Variants in WAC observed in about 807,000 individuals in gnomAD.
The protein encoded by WAC is WW domain containing adaptor with coiled-coil.
A neutral mutation model predicts 79.6 loss-of-function variants in WAC; 11 were observed. The ratio of observed to expected loss-of-function variants is 0.14; its 90% confidence interval spans 0.09 to 0.23. The LOEUF is 0.23. Ranked by LOEUF, WAC falls within the 10% of genes least tolerant of loss-of-function variation. WAC has a pLI of 1.00. For synonymous variants in WAC, 304 were observed against 276.9 expected, an observed-to-expected ratio of 1.10 and a Z score of -0.97; for missense variants, 728 against 773.5, an observed-to-expected ratio of 0.94 and a Z score of 0.70.
At position 28,577,490 on chromosome 10, in the gene WAC, T is replaced by C. The variant is rs895356183; in HGVS notation, c.275-5909T>C. ...TTTTTAATATGCAGTTTTGCAGAAT[T>C]CAGTCTTTTCAAGGCGAACATTTAT... is the stretch of plus-strand genomic sequence containing the variant. On this transcript the variant is annotated intron_variant, in intron 3 of 13. Coordinates refer to ENST00000354911, the MANE Select transcript of WAC (RefSeq NM_016628.5). Among the ~76,000 whole-genome samples the C allele has an allele frequency of 1.2e-4, 19 of 152,222 alleles. 1 individual carries two copies. Among genetic ancestry groups the C allele is most frequent in the Admixed American group, 1.2e-3 (19 of 15,284 alleles).
intron 3 of WAC, among the ~76,000 whole-genome samples, chr10:28,566,441 C>G (rs1838619588): frequency 1.3e-5 from 2 of 152,178 alleles, no homozygotes; most frequent in South Asian, 4.1e-4. Flanking sequence ...GGCTATTGAT[C>G]TCAGACAGTA....
intron 3 of WAC, among the ~76,000 whole-genome samples, chr10:28,575,845 C>T (rs1199835131): frequency 6.6e-6 from 1 of 152,224 alleles, no homozygotes; most frequent in Non-Finnish European, 1.5e-5. Flanking sequence ...TAAAACTCTC[C>T]TGTCGCATAA....
intron 3 of WAC, among the ~76,000 whole-genome samples, chr10:28,567,245 T>A (rs1027565063): frequency 6.6e-6 from 1 of 152,058 alleles, no homozygotes; most frequent in South Asian, 2.1e-4. Flanking sequence ...TCCTGAAATT[T>A]CTTTCGAAGT....
intron 3 of WAC, among the ~76,000 whole-genome samples, chr10:28,563,495 T>A (rs956672983): frequency 1.3e-5 from 2 of 152,202 alleles, no homozygotes; most frequent in Non-Finnish European, 2.9e-5. Flanking sequence ...ATCTTTAGTC[T>A]TTTTGGTTCT....
At chr10:28,609,327 C>T (rs147594619) in intron 8 of WAC, among the ~76,000 whole-genome samples, 104 of 152,236 alleles carry the variant, frequency 6.8e-4, no homozygotes, top group African/African-American at 2.2e-3. Context: ...GGTGCCTGTA[C>T]ACTCCAACCT....
chr10:28,592,688 T>G (rs980769051), intron 6 of WAC, among the ~76,000 whole-genome samples: 2 of 152,186 alleles, frequency 1.3e-5, no homozygotes, highest in African/African-American at 4.8e-5. Flanking sequence ...TTTAACTTGT[T>G]TTTCTTCATG....
In WAC at chr10:28,595,770, C is replaced by G. The variant is rs1232249656; in HGVS notation, c.648C>G (p.Leu216=). The G allele has an allele frequency of 1.9e-6, 3 of 1,613,844 alleles. No homozygotes were observed. The Admixed American group carries it at 5.0e-5, about 27-fold the overall frequency. The change falls in exon 7 of 14, where the codon CTC becomes CTG. Residue 216 remains leucine (L), a synonymous_variant. Coordinates refer to ENST00000354911, the MANE Select transcript of WAC (RefSeq NM_016628.5). ...ATTCCAGTGATGCCAGTAGTTTGCT[C>G]CCACAGAATATTTTGTCTCAAACAA... ...DKHSSDASSL[L]PQNILSQTSR...
At chr10:28,607,555 TTAA>T (rs1270685679) in intron 7 of WAC, among the ~76,000 whole-genome samples, 5 of 152,208 alleles carry the variant, frequency 3.3e-5, no homozygotes, top group African/African-American at 7.2e-5. Flanking sequence ...AGTGTCCTTT[TTAA>T]TAATCTTAAA....
At chr10:28,599,241 T>A (rs1274371157) in intron 7 of WAC, among the ~76,000 whole-genome samples, 1 of 152,190 alleles carries the variant, frequency 6.6e-6, no homozygotes, top group East Asian at 1.9e-4. Flanking sequence ...TATTAAGCGC[T>A]GATGGTTCAA....
chr10:28,557,519 C>A (rs1363619856), intron 3 of WAC, among the ~76,000 whole-genome samples: 2 of 152,118 alleles, frequency 1.3e-5, no homozygotes, highest in East Asian at 3.9e-4. Flanking sequence ...ATAGTGAGAC[C>A]TTGTCTCTAC....
intron 7 of WAC, among the ~76,000 whole-genome samples, chr10:28,598,778 T>C (rs1840500340): frequency 6.6e-6 from 1 of 152,208 alleles, no homozygotes; most frequent in Non-Finnish European, 1.5e-5. Context: ...AATGTAAAAT[T>C]TCTGACAGAG....
intron 3 of WAC, among the ~76,000 whole-genome samples, chr10:28,577,505 C>T (rs566098255): frequency 2.6e-5 from 4 of 152,142 alleles, no homozygotes; most frequent in South Asian, 2.1e-4. Flanking sequence ...CTTTTCAAGG[C>T]GAACATTTAT....
intron 7 of WAC, among the ~76,000 whole-genome samples, chr10:28,601,058 G>A (rs1467018776): frequency 1.3e-5 from 2 of 151,912 alleles, no homozygotes; most frequent in African/African-American, 4.8e-5. Context: ...GATAACCAGA[G>A]CACAGGCAAC....
chr10:28,542,059 A>G (rs891174677), intron 3 of WAC, among the ~76,000 whole-genome samples: 12 of 152,106 alleles, frequency 7.9e-5, no homozygotes, highest in Admixed American at 3.3e-4. Context: ...CTCTTCTACT[A>G]TCTTCCCCTT....
At chr10:28,592,896 T>C (rs551599451) in intron 6 of WAC, among the ~76,000 whole-genome samples, 2 of 152,326 alleles carry the variant, frequency 1.3e-5, no homozygotes, top group East Asian at 3.9e-4. Context: ...AGGAATATGT[T>C]TTTATGTCTG....
chr10:28,533,794 G>T, intron 1 of WAC, 174 bp downstream of exon 1: 1 of 991,298 alleles, frequency 1.0e-6, no homozygotes, highest in South Asian at 1.6e-5. Flanking sequence ...AGTGTGGCGG[G>T]GAGCGGGGGC....
At chr10:28,587,861 C>CT (rs763459967) in intron 4 of WAC, among the ~76,000 whole-genome samples, 2 of 151,678 alleles carry the variant, frequency 1.3e-5, no homozygotes, top group Non-Finnish European at 2.9e-5. Flanking sequence ...GGTTTGTGAA[C>CT]TTTCTGTCCT....
rs192327531 is a variant in WAC at position 28,596,859 on chromosome 10, C to G, written c.919+818C>G. On this transcript the variant is annotated intron_variant, in intron 7 of 13. Coordinates refer to ENST00000354911, the MANE Select transcript of WAC (RefSeq NM_016628.5). Reference sequence around the variant, plus strand: ...CTTGATACATTAATTCACATTGATTCAATTTGTTGACAAAAGGGCTCAAAT... The same window carrying G: ...CTTGATACATTAATTCACATTGATTGAATTTGTTGACAAAAGGGCTCAAAT... Among the ~76,000 whole-genome samples the G allele has an allele frequency of 9.3e-3, 1,416 of 152,182 alleles. 31 individuals are homozygous for G. The highest frequency in any genetic ancestry group is 0.032 in the African/African-American group (1,347 of 41,522).
At chr10:28,601,999 C>T (rs1460825025) in intron 7 of WAC, among the ~76,000 whole-genome samples, 2 of 152,182 alleles carry the variant, frequency 1.3e-5, no homozygotes, top group Non-Finnish European at 2.9e-5. Context: ...TACTTAAAGA[C>T]ACTGCATTAT....
Sources: gnomAD v4.1 joint callset for allele counts (sites outside exome capture counted in the v4.1 genomes callset) on GRCh38, gnomAD v4.1.1 for gene constraint, MANE v1.5 for transcripts, NCBI Gene and HGNC (gene_info 2026-07-23, HGNC 2026-07-21) for gene names.